The following CPNE4 variants were observed in gnomAD, a reference collection of about 807,000 sequenced individuals.
CPNE4 encodes the protein copine-4.
A neutral mutation model predicts 67.9 loss-of-function variants in CPNE4; 25 were observed. The observed-to-expected ratio is 0.37, with a 90% CI of 0.27 to 0.51. The LOEUF is 0.51. Ranked by LOEUF, CPNE4 falls within the 20% of genes least tolerant of loss-of-function variation. CPNE4 has a pLI of 0.93. For synonymous variants in CPNE4, 242 were observed against 244.9 expected, an observed-to-expected ratio of 0.99 and a Z score of 0.11; for missense variants, 464 against 690.8, an observed-to-expected ratio of 0.67 and a Z score of 3.68.
At chr3:131,842,895 C>T (rs943817345) in intron 2 of CPNE4, among the ~76,000 whole-genome samples, 1 of 152,044 alleles carries the variant, frequency 6.6e-6, no homozygotes, top group Admixed American at 6.6e-5. Flanking sequence ...AAAATCAAAA[C>T]GATATACAGC....
chr3:131,932,605 A>G (rs537948038), intron 1 of CPNE4, among the ~76,000 whole-genome samples: 1 of 152,100 alleles, frequency 6.6e-6, no homozygotes, highest in Non-Finnish European at 1.5e-5. Flanking sequence ...AGGAAGGAAC[A>G]TTTAAGTTGA....
chr3:131,807,106 A>G (rs1048334994), intron 2 of CPNE4, among the ~76,000 whole-genome samples: 4 of 152,192 alleles, frequency 2.6e-5, no homozygotes, highest in African/African-American at 7.2e-5. Flanking sequence ...CCAGTATTCT[A>G]TGCTGCCAGT....
At chr3:131,830,950 G>T (rs1019007107) in intron 2 of CPNE4, among the ~76,000 whole-genome samples, 12 of 152,086 alleles carry the variant, frequency 7.9e-5, no homozygotes, top group African/African-American at 2.9e-4. Context: ...GTTAACTTCA[G>T]TATGGAAACT....
chr3:131,723,378 G>T, intron 3 of CPNE4, 68 bp downstream of exon 3: 1 of 1,364,902 alleles, frequency 7.3e-7, no homozygotes, highest in Non-Finnish European at 1.0e-6. Context: ...TGAAGGAAGA[G>T]AGGGAAAGGG....
rs529416600 is a variant in CPNE4 at position 132,011,842 on chromosome 3, T to C, written c.-2+22725A>G. On this transcript the variant is annotated intron_variant, in intron 1 of 15. Coordinates refer to ENST00000429747, the MANE Select transcript of CPNE4 (RefSeq NM_130808.3). ...GTTCCAGTTAACACATCATCCCCTT[T>C]GTTCTACAGGCAACCTTATTACTCT... Among the ~76,000 whole-genome samples the C allele has an allele frequency of 3.9e-5, 6 of 152,352 alleles. No individual in the cohort carries two copies. In the South Asian group the frequency reaches 1.2e-3, roughly 32 times the overall value.
intron 2 of CPNE4, among the ~76,000 whole-genome samples, chr3:131,822,458 C>T (rs1382809760): frequency 6.6e-6 from 1 of 152,084 alleles, no homozygotes; most frequent in East Asian, 1.9e-4. Flanking sequence ...TCACATTCAC[C>T]CCAATTTCAT....
intron 1 of CPNE4, among the ~76,000 whole-genome samples, chr3:131,930,014 A>G (rs1252168877): frequency 6.6e-6 from 1 of 152,206 alleles, no homozygotes; most frequent in Admixed American, 6.5e-5. Context: ...TGGAGATTTT[A>G]CAAGTAGGAA....
intron 7 of CPNE4, among the ~76,000 whole-genome samples, chr3:131,661,157 G>T (rs1454710673): frequency 6.6e-6 from 1 of 152,170 alleles, no homozygotes; most frequent in African/African-American, 2.4e-5. Flanking sequence ...CAATTACAGA[G>T]TTCAATGAGA....
At chr3:131,655,320 T>C (rs1256555061) in intron 7 of CPNE4, among the ~76,000 whole-genome samples, 1 of 152,178 alleles carries the variant, frequency 6.6e-6, no homozygotes, top group Non-Finnish European at 1.5e-5. Context: ...GATTCTGATG[T>C]TGCTAAAGTT....
chr3:131,890,538 G>A (rs1340032719), intron 2 of CPNE4, among the ~76,000 whole-genome samples: 1 of 151,888 alleles, frequency 6.6e-6, no homozygotes, highest in Non-Finnish European at 1.5e-5. Flanking sequence ...CAGTATGGCG[G>A]TTCCTCAAAA....
intron 2 of CPNE4, among the ~76,000 whole-genome samples, chr3:131,796,378 T>G (rs1041378077): frequency 3.9e-5 from 6 of 152,138 alleles, no homozygotes; most frequent in Non-Finnish European, 8.8e-5. Flanking sequence ...AAGTCGGGTG[T>G]CTCATCCCCT....
rs79127364 is a variant in CPNE4, at chr3:131,999,241, T to TAAAAA, written c.-2+35321_-2+35325dup. ...CTCAATTATAGGTATTTATCCAAGG[T>TAAAAA]AAAAAAAAAAAAAAAAAAAAAAAGA... On this transcript the variant is annotated intron_variant, in intron 1 of 15. Coordinates refer to ENST00000429747, the MANE Select transcript of CPNE4 (RefSeq NM_130808.3). Among the ~76,000 whole-genome samples the TAAAAA allele has an allele frequency of 3.9e-4, 39 of 98,808 alleles. 5 individuals are homozygous for TAAAAA. The highest frequency in any genetic ancestry group is 1.6e-3 in the African/African-American group (29 of 18,688). 64.8% of individuals were successfully genotyped at this position (98,808 alleles called of 152,430 possible). A position where few individuals can be genotyped will look rare whatever the true frequency, so the allele number is the denominator to read the frequency against.
At chr3:131,972,065 CT>C (rs2072517989) in intron 1 of CPNE4, among the ~76,000 whole-genome samples, 1 of 151,912 alleles carries the variant, frequency 6.6e-6, no homozygotes. Flanking sequence ...TTCATGGCAA[CT>C]GAGTGTCAGG....
chr3:131,993,472 C>CAAAAAAAAAAAAAAAAAAAAAAAAAAA (rs58116331), intron 1 of CPNE4, among the ~76,000 whole-genome samples: 1 of 60,474 alleles, frequency 1.7e-5, no homozygotes, highest in Admixed American at 2.6e-4. Context: ...GCAGGAGTGG[C>CAAAAAAAAAAAAAAAAAAAAAAAAAAA]AAAAAAAAAA....
chr3:131,768,199 G>A (rs962071503), intron 2 of CPNE4, among the ~76,000 whole-genome samples: 1 of 152,092 alleles, frequency 6.6e-6, no homozygotes, highest in Non-Finnish European at 1.5e-5. Flanking sequence ...TCTAGAGCTG[G>A]TCGTGACTTC....
intron 7 of CPNE4, among the ~76,000 whole-genome samples, chr3:131,647,512 C>T (rs1280286191): frequency 6.6e-6 from 1 of 152,166 alleles, no homozygotes; most frequent in Non-Finnish European, 1.5e-5. Context: ...ACCTTTGCCC[C>T]ATCTAATTGT....
At chr3:131,960,725 T>C (rs1201842948) in intron 1 of CPNE4, among the ~76,000 whole-genome samples, 1 of 152,206 alleles carries the variant, frequency 6.6e-6, no homozygotes, top group African/African-American at 2.4e-5. Flanking sequence ...CCCAAAGAGC[T>C]GGATTCTCAG....
At chr3:131,553,714 T>C (rs1936311005) in intron 12 of CPNE4, among the ~76,000 whole-genome samples, 3 of 152,144 alleles carry the variant, frequency 2.0e-5, no homozygotes, top group Non-Finnish European at 4.4e-5. Context: ...TCTCAAGATC[T>C]GTTTCTGAGA....
At chr3:131,730,704 G>A (rs998836532) in intron 2 of CPNE4, among the ~76,000 whole-genome samples, 5 of 152,172 alleles carry the variant, frequency 3.3e-5, no homozygotes, top group African/African-American at 7.2e-5. Context: ...GCAGAGTGGT[G>A]CAATCTCTTG....
Sources: allele counts gnomAD v4.1 joint callset (sites outside exome capture counted in the v4.1 genomes callset), GRCh38; gene constraint gnomAD v4.1.1; transcripts MANE v1.5; gene names NCBI Gene and HGNC (gene_info 2026-07-23, HGNC 2026-07-21).